Variants in MARK3 observed in about 807,000 individuals in gnomAD.
The protein encoded by MARK3 is microtubule affinity regulating kinase 3.
Under a neutral mutation model 90.1 loss-of-function variants are expected in MARK3, and 46 were observed. The ratio of observed to expected loss-of-function variants is 0.51; its 90% confidence interval spans 0.40 to 0.65. MARK3 has a LOEUF of 0.65. MARK3 is among the 30% of genes least tolerant of loss of function. MARK3 has a pLI of 0.00. For synonymous variants in MARK3, 321 were observed against 332.6 expected (o/e 0.97, Z 0.38); for missense variants, 818 against 947.2 (o/e 0.86, Z 1.79).
rs750728050 is a variant in MARK3, at chr14:103,468,003, G to T, written c.1111-30G>T. On this transcript the variant is annotated intron_variant, in intron 11 of 17. Coordinates refer to ENST00000429436, the MANE Select transcript of MARK3 (RefSeq NM_001128918.3). The stretch of plus-strand genomic sequence containing the variant: ...ATAAGCCATTTGGGTTCGTGTTGTG[G>T]TTTGCTCTGTTTTTCTCATTTTCTC... The T allele has an allele frequency of 1.2e-5, 20 of 1,608,428 alleles. No homozygotes were observed. The East Asian group carries it at 2.0e-4, about 16-fold the overall frequency.
intron 1 of MARK3, among the ~76,000 whole-genome samples, chr14:103,388,644 G>C (rs868772104): frequency 6.6e-6 from 1 of 152,184 alleles, no homozygotes; most frequent in Non-Finnish European, 1.5e-5. Flanking sequence ...TCCATTGCCA[G>C]AAAGGTCCCT....
At chr14:103,501,145 G>T (rs538284561) in intron 17 of MARK3, among the ~76,000 whole-genome samples, 1 of 152,290 alleles carries the variant, frequency 6.6e-6, no homozygotes, top group African/African-American at 2.4e-5. Flanking sequence ...AAAACCTTCA[G>T]TGACCTCCAC....
intron 7 of MARK3, among the ~76,000 whole-genome samples, chr14:103,464,206 C>A (rs578110815): frequency 6.6e-6 from 1 of 150,924 alleles, no homozygotes; most frequent in African/African-American, 2.4e-5. Flanking sequence ...TCTTGTTCAT[C>A]ATTATCCATC....
intron 9 of MARK3, 41 bp downstream of exon 9, chr14:103,466,132 CTT>C (rs1268076201): frequency 6.2e-7 from 1 of 1,605,822 alleles, no homozygotes. Flanking sequence ...TTTGGAGAGT[CTT>C]TAGAGTGACC....
rs753670998 is a variant in MARK3 at position 103,502,991 on chromosome 14, A to G, written c.2026A>G (p.Met676Val). The change falls in exon 18 of 18, where the codon ATG becomes GTG. Residue 676 changes from methionine to valine, a missense_variant. Met to Val is a conservative substitution (Grantham distance 21, BLOSUM62 1). Transcript: ENST00000429436. ...TTSSMDPGDM[M>V]REIRKVLDAN... ...TAGTTCAATGGATCCCGGGGACATGATGCGGGAAATCCGCAAAGTGTTGGA... is the reference window on the plus strand; with the variant it reads ...TAGTTCAATGGATCCCGGGGACATGGTGCGGGAAATCCGCAAAGTGTTGGA... 4 of 1,614,266 alleles carry G rather than the reference A, an allele frequency of 2.5e-6. No individual in the cohort carries two copies.
intron 13 of MARK3, among the ~76,000 whole-genome samples, chr14:103,478,578 C>A (rs917924405): frequency 5.3e-5 from 8 of 150,822 alleles, no homozygotes; most frequent in African/African-American, 2.0e-4. Context: ...GCATTTCGCT[C>A]CTGTTGCCCA....
rs762403107 is a variant in MARK3 at position 103,488,080 on chromosome 14, A to G, written c.1587-3697A>G. Among the ~76,000 whole-genome samples the G allele has an allele frequency of 2.0e-5, 3 of 152,194 alleles. No homozygotes were observed. In the East Asian group the frequency reaches 5.8e-4, roughly 29 times the overall value. On this transcript the variant is annotated intron_variant, in intron 14 of 17. Coordinates refer to ENST00000429436, the MANE Select transcript of MARK3 (RefSeq NM_001128918.3). ...AAATAAATAACATTTGTGTGCATTC[A>G]TGTGTACGTGTGTCTGTACACATGT...
At chr14:103,411,169 G>C (rs2091608640) in intron 2 of MARK3, among the ~76,000 whole-genome samples, 1 of 152,152 alleles carries the variant, frequency 6.6e-6, no homozygotes, top group African/African-American at 2.4e-5. Context: ...AGCTGTTCAG[G>C]AGGCTAAGGC....
At chr14:103,457,434 T>G (rs2093300418) in intron 6 of MARK3, among the ~76,000 whole-genome samples, 1 of 152,192 alleles carries the variant, frequency 6.6e-6, no homozygotes, top group African/African-American at 2.4e-5. Flanking sequence ...AGCATTAGTC[T>G]TATACTTAAC....
At chr14:103,415,166 A>C (rs1169393360) in intron 2 of MARK3, among the ~76,000 whole-genome samples, 8 of 150,984 alleles carry the variant, frequency 5.3e-5, no homozygotes, top group Non-Finnish European at 1.0e-4. Context: ...AAAAAAAAAA[A>C]AAAAAAAAAG....
At chr14:103,410,113 C>T (rs1343269171) in intron 2 of MARK3, among the ~76,000 whole-genome samples, 3 of 152,178 alleles carry the variant, frequency 2.0e-5, no homozygotes, top group African/African-American at 7.2e-5. Context: ...ATCTGAAGGT[C>T]TCAATCTGTT....
At chr14:103,434,297 G>A (rs1005012193) in intron 3 of MARK3, among the ~76,000 whole-genome samples, 4 of 152,100 alleles carry the variant, frequency 2.6e-5, no homozygotes, top group African/African-American at 7.2e-5. Context: ...AAATCGCAAC[G>A]AGAAGTGTCA....
intron 6 of MARK3, among the ~76,000 whole-genome samples, chr14:103,461,899 G>A (rs2141502417): frequency 6.6e-6 from 1 of 152,196 alleles, no homozygotes; most frequent in East Asian, 1.9e-4. Context: ...GGCCGGGCAT[G>A]GTGGTGCACA....
chr14:103,442,046 TA>T (rs1298989772), intron 3 of MARK3, among the ~76,000 whole-genome samples: 1 of 151,752 alleles, frequency 6.6e-6, no homozygotes, highest in Non-Finnish European at 1.5e-5. Flanking sequence ...ACACAGTAAG[TA>T]GGGGGAAAAG....
intron 6 of MARK3, among the ~76,000 whole-genome samples, chr14:103,460,387 C>G (rs903698846): frequency 2.0e-5 from 3 of 152,088 alleles, no homozygotes; most frequent in African/African-American, 7.2e-5. Context: ...CCCGGCACAG[C>G]TCCATCTTTT....
chr14:103,465,775 T>C lies in MARK3; in HGVS notation c.759T>C (p.Phe253=), dbSNP rs1170401496. 1 of 1,613,654 alleles carries C rather than the reference T, an allele frequency of 6.2e-7. No individual in the cohort carries two copies. Among genetic ancestry groups the C allele is most frequent in the Non-Finnish European group, 8.5e-7 (1 of 1,179,782 alleles). ...LYTLVSGSLP[F]DGQNLKELRE... ...CACTAGTCAGTGGCTCACTTCCCTT[T>C]GATGGGCAAAACCTAAAGGTATAAG... Residue 253 remains phenylalanine, a synonymous_variant, in exon 8 of 18, where the codon TTT becomes TTC. Coordinates refer to ENST00000429436, the MANE Select transcript of MARK3 (RefSeq NM_001128918.3).
intron 2 of MARK3, 74 bp downstream of exon 2, chr14:103,405,341 A>G (rs963289579): frequency 8.4e-6 from 10 of 1,189,518 alleles, no homozygotes; most frequent in African/African-American, 4.8e-5. Flanking sequence ...AGAAAAGAAT[A>G]TAGATATAGG....
Position 103,475,073 on chromosome 14 carries a change from G to A in MARK3, c.1345G>A (p.Gly449Arg), listed in dbSNP as rs753159991. Residue 449 changes from glycine (G) to arginine (R), a missense_variant, in exon 13 of 18, where the codon GGA becomes AGA. Coordinates refer to ENST00000429436, the MANE Select transcript of MARK3 (RefSeq NM_001128918.3). ...STADSDLKED[G>R]ISSRKSSGSA... Reference sequence around the variant, plus strand: ...TGCAGATAGTGACCTCAAAGAAGATGGAATTTCCTCCCGGAAATCAAGTGG... The same window carrying A: ...TGCAGATAGTGACCTCAAAGAAGATAGAATTTCCTCCCGGAAATCAAGTGG... The A allele has an allele frequency of 6.2e-7, 1 of 1,614,178 alleles. No individual in the cohort carries two copies.
chr14:103,441,056 C>T (rs1354835119), intron 3 of MARK3, among the ~76,000 whole-genome samples: 6 of 151,058 alleles, frequency 4.0e-5, no homozygotes, highest in Admixed American at 6.6e-5. Flanking sequence ...CTGTGAAGTA[C>T]GTATTCATCT....
Sources: gnomAD v4.1 joint callset for allele counts (sites outside exome capture counted in the v4.1 genomes callset) on GRCh38, gnomAD v4.1.1 for gene constraint, MANE v1.5 for transcripts, NCBI Gene and HGNC (gene_info 2026-07-23, HGNC 2026-07-21) for gene names.